The following NOSTRIN variants were observed in gnomAD, a reference collection of about 807,000 sequenced individuals.
The protein encoded by NOSTRIN is nitric oxide synthase trafficking.
A neutral mutation model predicts 59.0 loss-of-function variants in NOSTRIN; 63 were observed. That is an observed-to-expected ratio of 1.07 (90% CI 0.87 to 1.32). The LOEUF (loss-of-function observed/expected upper bound fraction) is 1.32. Among genes scored for constraint, NOSTRIN ranks in the 40% most tolerant of loss-of-function variants. The pLI is 0.00. For synonymous variants in NOSTRIN, 200 were observed against 165.4 expected, an observed-to-expected ratio of 1.21 and a Z score of -1.61; for missense variants, 512 against 473.1, an observed-to-expected ratio of 1.08 and a Z score of -0.76.
intron 10 of NOSTRIN, among the ~76,000 whole-genome samples, chr2:168,854,439 C>T (rs942011654): frequency 2.6e-5 from 4 of 152,272 alleles, no homozygotes; most frequent in Admixed American, 2.0e-4. Context: ...TGTTTAGCAA[C>T]CTCCTCACTC....
At position 168,805,815 on chromosome 2, in the gene NOSTRIN, C is replaced by T. The variant is rs112080349; in HGVS notation, c.27+3142C>T. On this transcript the variant is annotated intron_variant, in intron 1 of 15. Coordinates refer to ENST00000317647, the MANE Select transcript of NOSTRIN (RefSeq NM_001039724.4). ...TGACTGTCACTAACTCAGATGGTGCCGGTGCCATGGTCCGTAGCTCCTAGG... is the reference window on the plus strand; with the variant it reads ...TGACTGTCACTAACTCAGATGGTGCTGGTGCCATGGTCCGTAGCTCCTAGG... Among the ~76,000 whole-genome samples the T allele has an allele frequency of 2.5e-3, 381 of 152,234 alleles. 2 individuals carry two copies. Among genetic ancestry groups the T allele is most frequent in the African/African-American group, 8.7e-3 (362 of 41,542 alleles).
At position 168,828,429 on chromosome 2, in the gene NOSTRIN, CAAAGCAATTGAATTG is replaced by C. The variant is rs771161171; in HGVS notation, c.271_285del (p.Lys91_Leu95del). The C allele has an allele frequency of 2.3e-6, 2 of 870,404 alleles. No homozygotes were observed. The highest frequency in any genetic ancestry group is 3.4e-5 in the Admixed American group (2 of 58,630). 53.9% of individuals were successfully genotyped at this position (870,404 alleles called of 1,614,324 possible). On this transcript the variant is annotated inframe_deletion, in exon 5 of 16. Transcript: ENST00000317647. ...TATGTTTTATTTCCAGAAAACTTGG[CAAAGCAATTGAATTG>C]GAAGCAATAAAACCGACTTATCAAG...
At chr2:168,802,558 C>A (rs1685648356), upstream of NOSTRIN, 1 of 823,238 alleles carries the variant, frequency 1.2e-6, no homozygotes, top group Non-Finnish European at 2.1e-6. Context: ...CCCTTTGAAT[C>A]CCGGAAGTCC....
At chr2:168,805,313 AT>A (rs1364229411) in intron 1 of NOSTRIN, among the ~76,000 whole-genome samples, 1 of 152,206 alleles carries the variant, frequency 6.6e-6, no homozygotes, top group Admixed American at 6.5e-5. Flanking sequence ...GTCAGAACTT[AT>A]TTGAAAAAGA....
intron 1 of NOSTRIN, chr2:168,787,828 G>A (rs1685244736): frequency 6.6e-6 from 1 of 152,116 alleles, no homozygotes; most frequent in Admixed American, 6.6e-5. Context: ...ACTGGAGGCT[G>A]TTGTGATTTT....
At chr2:168,830,140 T>A (rs1351497907) in intron 5 of NOSTRIN, among the ~76,000 whole-genome samples, 1 of 152,208 alleles carries the variant, frequency 6.6e-6, no homozygotes, top group Non-Finnish European at 1.5e-5. Context: ...ATTACTAGTC[T>A]ATATTTCGTT....
In NOSTRIN at chr2:168,851,366, A is replaced by G; in HGVS notation, c.817A>G (p.Thr273Ala). ...AVMEETAILS[T>A]ENKSEFLLTD... is the part of the protein sequence containing the mutation. Reference sequence around the variant, plus strand: ...AATGGAAGAAACTGCAATTTTATCTACAGAAAACAAATCTGAGTTCCTGTT... The same window carrying G: ...AATGGAAGAAACTGCAATTTTATCTGCAGAAAACAAATCTGAGTTCCTGTT... Residue 273 changes from threonine to alanine, a missense_variant, in exon 10 of 16, where the codon ACA (threonine) becomes GCA (alanine). By Grantham distance (58) the Thr-to-Ala change is moderately conservative. Coordinates refer to ENST00000317647, the MANE Select transcript of NOSTRIN (RefSeq NM_001039724.4). 2 of 1,613,014 alleles carry G rather than the reference A, an allele frequency of 1.2e-6. No individual in the cohort carries two copies. Among genetic ancestry groups the G allele is most frequent in the Non-Finnish European group, 1.7e-6 (2 of 1,179,826 alleles).
At chr2:168,859,432 G>A in intron 12 of NOSTRIN, 80 bp from the exon 13 acceptor site, 1 of 1,556,356 alleles carries the variant, frequency 6.4e-7, no homozygotes, top group South Asian at 1.2e-5. Context: ...TTGTTATTTT[G>A]AAAGTTATTC....
chr2:168,814,108 A>G (rs193029348), intron 2 of NOSTRIN, among the ~76,000 whole-genome samples: 344 of 152,330 alleles, frequency 2.3e-3, no homozygotes, highest in Non-Finnish European at 3.7e-3. Context: ...CTATTAATCT[A>G]TGAATTTGTG....
At chr2:168,828,698 T>C (rs944075469) in intron 5 of NOSTRIN, among the ~76,000 whole-genome samples, 197 bp downstream of exon 5, 1 of 152,186 alleles carries the variant, frequency 6.6e-6, no homozygotes, top group African/African-American at 2.4e-5. Flanking sequence ...GGATGTTTGT[T>C]AGAGCATTGC....
At chr2:168,856,222 A>T (rs1201029936) in intron 11 of NOSTRIN, 2 of 217,978 alleles carry the variant, frequency 9.2e-6, no homozygotes, top group Admixed American at 5.4e-5. Context: ...TAAACAGTTC[A>T]TTTATCATTC....
Position 168,822,535 on chromosome 2 carries a change from A to C in NOSTRIN, c.114-2099A>C, listed in dbSNP as rs546457333. ...ATGAAATAACATAATAAATAATTCT[A>C]AAATATAATAAAAATGGATTAACAG... On this transcript the variant is annotated intron_variant, in intron 2 of 15. Coordinates refer to ENST00000317647, the MANE Select transcript of NOSTRIN (RefSeq NM_001039724.4). Among the ~76,000 whole-genome samples, 130 of 152,352 alleles carry C rather than the reference A, an allele frequency of 8.5e-4. 1 individual carries two copies. Among genetic ancestry groups the C allele is most frequent in the African/African-American group, 2.8e-3 (115 of 41,590 alleles).
chr2:168,840,338 G>C (rs1316925991), intron 7 of NOSTRIN, among the ~76,000 whole-genome samples: 1 of 151,948 alleles, frequency 6.6e-6, no homozygotes, highest in Non-Finnish European at 1.5e-5. Flanking sequence ...AGACCATCCG[G>C]GCTAACATGG....
At chr2:168,833,620 C>T (rs1687497606) in intron 6 of NOSTRIN, among the ~76,000 whole-genome samples, 1 of 152,182 alleles carries the variant, frequency 6.6e-6, no homozygotes, top group Non-Finnish European at 1.5e-5. Context: ...TAACCCACTC[C>T]AAAGGGTCAG....
At chr2:168,823,306 G>A (rs950046732) in intron 2 of NOSTRIN, among the ~76,000 whole-genome samples, 7 of 152,240 alleles carry the variant, frequency 4.6e-5, no homozygotes, top group East Asian at 3.9e-4. Context: ...GTGAGCCACC[G>A]CGCCCGGCCA....
intron 3 of NOSTRIN, among the ~76,000 whole-genome samples, 162 bp from the exon 4 acceptor site, chr2:168,827,995 AT>A (rs2105632382): frequency 6.6e-6 from 1 of 152,096 alleles, no homozygotes; most frequent in African/African-American, 2.4e-5. Flanking sequence ...AAATAAATGT[AT>A]TGGCAGAATG....
chr2:168,803,884 G>C (rs1344575235), intron 1 of NOSTRIN, among the ~76,000 whole-genome samples: 1 of 152,096 alleles, frequency 6.6e-6, no homozygotes, highest in Non-Finnish European at 1.5e-5. Context: ...TCTCCTTGAG[G>C]TTGCTCCCTG....
intron 2 of NOSTRIN, among the ~76,000 whole-genome samples, chr2:168,791,704 T>C (rs1295148202): frequency 6.6e-6 from 1 of 151,906 alleles, no homozygotes; most frequent in Admixed American, 6.6e-5. Context: ...TGAGATGGTA[T>C]CTCATTGTGG....
intron 1 of NOSTRIN, among the ~76,000 whole-genome samples, chr2:168,806,269 CA>C (rs962832640): frequency 6.6e-6 from 1 of 151,538 alleles, no homozygotes; most frequent in Non-Finnish European, 1.5e-5. Flanking sequence ...CATCACTAAT[CA>C]AAAAAAATCC....
Sources: allele counts gnomAD v4.1 joint callset (sites outside exome capture counted in the v4.1 genomes callset), GRCh38; gene constraint gnomAD v4.1.1; transcripts MANE v1.5; gene names NCBI Gene and HGNC (gene_info 2026-07-23, HGNC 2026-07-21).